The following KDM2A variants were observed in gnomAD, a reference collection of about 807,000 sequenced individuals.
The protein encoded by KDM2A is lysine-specific demethylase 2A.
A neutral mutation model predicts 137.3 loss-of-function variants in KDM2A; 3 were observed. That is an observed-to-expected ratio of 0.02 (90% confidence interval 0.01 to 0.06). The LOEUF (loss-of-function observed/expected upper bound fraction) is 0.06, where lower values mean the gene tolerates loss of function less well. Ranked by LOEUF, KDM2A falls within the 10% of genes least tolerant of loss-of-function variation. The probability of loss-of-function intolerance (pLI) is 1.00; values close to 1 mark genes in which losing one functional copy is unlikely to be tolerated. For synonymous variants in KDM2A, 512 were observed against 541.5 expected (o/e 0.95, Z 0.76); for missense variants, 738 against 1,510.6 (o/e 0.49, Z 8.48).
At chr11:67,149,453 G>A (rs999253866) in intron 2 of KDM2A, among the ~76,000 whole-genome samples, 39 of 152,064 alleles carry the variant, frequency 2.6e-4, no homozygotes, top group African/African-American at 8.4e-4. Context: ...CCAGTTTTAC[G>A]CCTTTTAAAT....
At chr11:67,155,638 C>T (rs370944567) in intron 2 of KDM2A, among the ~76,000 whole-genome samples, 8 of 144,956 alleles carry the variant, frequency 5.5e-5, no homozygotes, top group East Asian at 2.1e-4. Flanking sequence ...TTTTTTGAAA[C>T]GGAGTTTTGT....
At chr11:67,228,245 C>A in intron 11 of KDM2A, 82 bp downstream of exon 11, 2 of 1,439,322 alleles carry the variant, frequency 1.4e-6, no homozygotes, top group African/African-American at 1.4e-5. Flanking sequence ...GGCTGTCACT[C>A]AATATGTTCT....
At chr11:67,187,214 A>G (rs746359024) in intron 5 of KDM2A, among the ~76,000 whole-genome samples, 1 of 152,254 alleles carries the variant, frequency 6.6e-6, no homozygotes, top group South Asian at 2.1e-4. Flanking sequence ...ATCTAAGTAC[A>G]AAAGAAAACA....
chr11:67,253,171 C>T (rs976925136), intron 18 of KDM2A, among the ~76,000 whole-genome samples: 5 of 152,160 alleles, frequency 3.3e-5, no homozygotes, highest in African/African-American at 4.8e-5. Flanking sequence ...TTGGTCAGCT[C>T]CTTATAAGCC....
chr11:67,169,647 A>G (rs1289278145), intron 2 of KDM2A, among the ~76,000 whole-genome samples: 2 of 150,756 alleles, frequency 1.3e-5, no homozygotes. Context: ...AAGTGCTGAG[A>G]TTATAGGCAT....
At chr11:67,192,532 C>T (rs775402349) in intron 5 of KDM2A, among the ~76,000 whole-genome samples, 1 of 147,558 alleles carries the variant, frequency 6.8e-6, no homozygotes, top group Non-Finnish European at 1.5e-5. Flanking sequence ...GCAACCTCCA[C>T]CTCCCAGGTT....
chr11:67,172,182 G>A (rs910276794), intron 2 of KDM2A, among the ~76,000 whole-genome samples: 17 of 151,944 alleles, frequency 1.1e-4, no homozygotes, highest in African/African-American at 4.1e-4. Context: ...TAGAGGCAGT[G>A]GCTGGTCTTG....
chr11:67,195,047 G>A (rs150938270), intron 5 of KDM2A, among the ~76,000 whole-genome samples: 1 of 152,224 alleles, frequency 6.6e-6, no homozygotes, highest in Non-Finnish European at 1.5e-5. Context: ...TAGAATATAT[G>A]CAATTCTGGA....
At chr11:67,240,208 A>T (rs143756686) in intron 12 of KDM2A, 16 of 1,534,828 alleles carry the variant, frequency 1.0e-5, no homozygotes, top group Non-Finnish European at 1.4e-5. Flanking sequence ...GCCCTGCCCT[A>T]TGTGCTCTGG....
chr11:67,193,802 G>A lies in KDM2A; in HGVS notation c.307+11910G>A, dbSNP rs1050992960. ...CTTGAACCCAGGAGCGGGAGGTTGCGGTAAGCTGAGACCATGTCGTTGTAT... is the reference window on the plus strand; with the variant it reads ...CTTGAACCCAGGAGCGGGAGGTTGCAGTAAGCTGAGACCATGTCGTTGTAT... On this transcript the variant is annotated intron_variant, in intron 5 of 20. Transcript: ENST00000529006. 4.6e-5 allele frequency among the ~76,000 whole-genome samples: 7 copies of A among 152,112 alleles called. No homozygotes were observed. The East Asian group carries it at 5.8e-4, about 13-fold the overall frequency.
intron 5 of KDM2A, among the ~76,000 whole-genome samples, chr11:67,191,042 ACTT>A (rs1008176112): frequency 1.3e-5 from 2 of 151,896 alleles, no homozygotes; most frequent in African/African-American, 4.8e-5. Context: ...AAGAGGGAAC[ACTT>A]CTTTTTTTTC....
At chr11:67,228,274 A>T (rs752750324) in intron 11 of KDM2A, 111 bp downstream of exon 11, 1 of 1,145,040 alleles carries the variant, frequency 8.7e-7, no homozygotes, top group Non-Finnish European at 1.2e-6. Flanking sequence ...TAATTCATCT[A>T]CTTGGAAGTA....
At chr11:67,199,499 A>G (rs2136365179) in intron 5 of KDM2A, among the ~76,000 whole-genome samples, 1 of 152,356 alleles carries the variant, frequency 6.6e-6, no homozygotes, top group South Asian at 2.1e-4. Context: ...CAGCCTTATC[A>G]CTGATAACGG....
intron 2 of KDM2A, among the ~76,000 whole-genome samples, chr11:67,148,790 A>G (rs1249563068): frequency 6.6e-6 from 1 of 152,110 alleles, no homozygotes; most frequent in Non-Finnish European, 1.5e-5. Context: ...TATAAGAGCA[A>G]AATTCCGTCT....
At chr11:67,131,613 T>C (rs1281207181) in intron 2 of KDM2A, among the ~76,000 whole-genome samples, 4 of 151,900 alleles carry the variant, frequency 2.6e-5, no homozygotes, top group Admixed American at 2.0e-4. Flanking sequence ...GGTTTTACCA[T>C]ATTGGCCAGG....
intron 2 of KDM2A, among the ~76,000 whole-genome samples, chr11:67,158,511 G>C (rs1371873054): frequency 1.2e-4 from 19 of 152,162 alleles, no homozygotes; most frequent in Admixed American, 1.2e-3. Context: ...GTACTATTTT[G>C]TATTCTGACC....
chr11:67,250,607 A>AGAG lies in KDM2A; in HGVS notation c.2595_2597dup (p.Glu866dup), dbSNP rs752328206. 249 of 1,611,238 alleles carry AGAG rather than the reference A, an allele frequency of 1.5e-4. No homozygotes were observed. Among genetic ancestry groups the AGAG allele is most frequent in the South Asian group, 9.2e-4 (84 of 90,958 alleles). ...AGGGGCTGGGGGGAGAGGAGGAGGAAGAGGAGGAGGAGGAGGAGGAAGATG... is the reference window on the plus strand; with the variant it reads ...AGGGGCTGGGGGGAGAGGAGGAGGAAGAGGAGGAGGAGGAGGAGGAGGAAGATG... On this transcript the variant is annotated inframe_insertion, in exon 17 of 21. Transcript: ENST00000529006. The surrounding 1 kb of genome is among the most constrained non-coding windows in gnomAD (Gnocchi z 7.1).
intron 9 of KDM2A, among the ~76,000 whole-genome samples, chr11:67,218,685 A>C (rs1405910424): frequency 6.6e-6 from 1 of 151,916 alleles, no homozygotes; most frequent in East Asian, 1.9e-4. Flanking sequence ...GCTCACTGCA[A>C]CCTCCACCTC....
chr11:67,124,309 T>G (rs1290114528), intron 2 of KDM2A, among the ~76,000 whole-genome samples: 1 of 150,154 alleles, frequency 6.7e-6, no homozygotes, highest in African/African-American at 2.5e-5. Context: ...CGGCTTCACT[T>G]TATTTTTATA....
Sources: gnomAD v4.1 joint callset for allele counts (sites outside exome capture counted in the v4.1 genomes callset) on GRCh38, gnomAD v4.1.1 for gene constraint, Gnocchi (gnomAD v3.1) non-coding constraint, MANE v1.5 for transcripts, NCBI Gene and HGNC (gene_info 2026-07-23, HGNC 2026-07-21) for gene names.